The following SUPT3H variants were observed in gnomAD, a reference collection of about 807,000 sequenced individuals.
SUPT3H encodes the protein SPT3 homolog, SAGA and STAGA complex component.
SUPT3H carries 44 observed loss-of-function variants against 44.3 expected under a neutral mutation model. The observed-to-expected ratio is 0.99, with a 90% CI of 0.78 to 1.28. The LOEUF is 1.28. SUPT3H is among the 50% of genes most tolerant of loss of function. The pLI, the probability that SUPT3H is intolerant of heterozygous loss-of-function variation, is 0.00. For missense variants in SUPT3H, 380 were observed against 387.1 expected (o/e 0.98, Z 0.15); for synonymous variants, 124 against 125.6 (o/e 0.99, Z 0.09).
intron 9 of SUPT3H, among the ~76,000 whole-genome samples, chr6:44,939,076 T>C (rs1405621699): frequency 6.6e-6 from 1 of 152,238 alleles, no homozygotes; most frequent in Non-Finnish European, 1.5e-5. Flanking sequence ...TCCTGCTTTA[T>C]TGTTCTGGTT....
intron 2 of SUPT3H, among the ~76,000 whole-genome samples, chr6:45,347,643 C>T (rs1258248699): frequency 6.6e-6 from 1 of 151,662 alleles, no homozygotes; most frequent in Non-Finnish European, 1.5e-5. Flanking sequence ...ATGCACATGA[C>T]AGAGAAAAAA....
At chr6:44,881,606 C>T (rs1036645113) in intron 10 of SUPT3H, among the ~76,000 whole-genome samples, 1 of 152,186 alleles carries the variant, frequency 6.6e-6, no homozygotes. Context: ...CACCACATTG[C>T]ACTTATTCTA....
chr6:45,267,212 C>T (rs188993003), intron 2 of SUPT3H, among the ~76,000 whole-genome samples: 2 of 152,200 alleles, frequency 1.3e-5, no homozygotes, highest in African/African-American at 4.8e-5. Flanking sequence ...CTGACCATGC[C>T]ACACATATCT....
chr6:44,933,328 C>T (rs1337153747), intron 9 of SUPT3H, among the ~76,000 whole-genome samples: 5 of 151,874 alleles, frequency 3.3e-5, no homozygotes, highest in Non-Finnish European at 5.9e-5. Context: ...TTTAATTTGC[C>T]GCATCTGTAA....
intron 6 of SUPT3H, among the ~76,000 whole-genome samples, chr6:44,967,984 A>T (rs755944049): frequency 2.0e-5 from 3 of 151,490 alleles, no homozygotes; most frequent in Non-Finnish European, 4.4e-5. Context: ...TAGAGATGAG[A>T]TCTCTATAAA....
At chr6:44,924,569 T>C (rs1342458364) in intron 10 of SUPT3H, among the ~76,000 whole-genome samples, 1 of 152,112 alleles carries the variant, frequency 6.6e-6, no homozygotes, top group Non-Finnish European at 1.5e-5. Context: ...GTAGGATTAG[T>C]AAGAATTTAT....
intron 10 of SUPT3H, among the ~76,000 whole-genome samples, chr6:44,892,175 T>G (rs1220805875): frequency 1.3e-5 from 2 of 152,128 alleles, no homozygotes; most frequent in African/African-American, 4.8e-5. Context: ...ATTCATATGT[T>G]GAACCCCTAA....
At chr6:44,885,299 G>C (rs558987574) in intron 10 of SUPT3H, among the ~76,000 whole-genome samples, 1 of 152,136 alleles carries the variant, frequency 6.6e-6, no homozygotes, top group Non-Finnish European at 1.5e-5. Context: ...ATCTGAGAAC[G>C]GGCAGACTGC....
At chr6:45,250,568 T>C (rs1772188522) in intron 2 of SUPT3H, among the ~76,000 whole-genome samples, 1 of 151,298 alleles carries the variant, frequency 6.6e-6, no homozygotes, top group African/African-American at 2.4e-5. Context: ...AACCAATAGC[T>C]GAATAACAGC....
At chr6:45,054,294 A>C (rs1254279432) in intron 3 of SUPT3H, among the ~76,000 whole-genome samples, 2 of 152,084 alleles carry the variant, frequency 1.3e-5, no homozygotes, top group African/African-American at 4.8e-5. Context: ...AGTAGGTCTT[A>C]AGGCCCTCAT....
intron 9 of SUPT3H, among the ~76,000 whole-genome samples, chr6:44,948,380 A>G (rs1773694233): frequency 6.6e-6 from 1 of 152,212 alleles, no homozygotes; most frequent in Non-Finnish European, 1.5e-5. Context: ...AGAAGCCAAA[A>G]TTGACAAATG....
At chr6:45,340,565 C>CCT (rs1236233353) in intron 2 of SUPT3H, among the ~76,000 whole-genome samples, 1 of 152,018 alleles carries the variant, frequency 6.6e-6, no homozygotes, top group Non-Finnish European at 1.5e-5. Flanking sequence ...CTCAAGCGAT[C>CCT]CTCCCACCTC....
At chr6:44,928,882 C>CAAAAAAAAAAAAAAAAA (rs35656937) in intron 10 of SUPT3H, among the ~76,000 whole-genome samples, 8 of 20,624 alleles carry the variant, frequency 3.9e-4, no homozygotes, top group Admixed American at 6.3e-4. Flanking sequence ...GACTCCGTCT[C>CAAAAAAAAAAAAAAAAA]AAAAAAAAAA....
intron 2 of SUPT3H, among the ~76,000 whole-genome samples, chr6:45,214,865 G>T (rs1279086086): frequency 6.6e-6 from 1 of 152,122 alleles, no homozygotes; most frequent in African/African-American, 2.4e-5. Context: ...AAGACCTGCT[G>T]CTTGTAACCC....
intron 2 of SUPT3H, among the ~76,000 whole-genome samples, chr6:45,199,434 T>G (rs903094881): frequency 2.6e-5 from 4 of 151,350 alleles, no homozygotes; most frequent in Non-Finnish European, 4.4e-5. Flanking sequence ...AAAAAAGTAT[T>G]TTTTGCATAT....
intron 10 of SUPT3H, among the ~76,000 whole-genome samples, chr6:44,916,759 T>A (rs1301779671): frequency 6.6e-6 from 1 of 152,208 alleles, no homozygotes; most frequent in East Asian, 1.9e-4. Context: ...GATTTTTAAA[T>A]ACTGCATTTC....
intron 2 of SUPT3H, among the ~76,000 whole-genome samples, chr6:45,317,958 A>G (rs1229006201): frequency 6.6e-6 from 1 of 152,152 alleles, no homozygotes; most frequent in African/African-American, 2.4e-5. Flanking sequence ...AGGGGTTAAT[A>G]TCTAAAATAC....
intron 2 of SUPT3H, among the ~76,000 whole-genome samples, chr6:45,192,750 T>G (rs1321610059): frequency 2.0e-5 from 3 of 152,136 alleles, no homozygotes; most frequent in African/African-American, 7.2e-5. Flanking sequence ...TAATAACTCA[T>G]TGATTATGAC....
At chr6:45,238,346 A>G (rs1290857771) in intron 2 of SUPT3H, among the ~76,000 whole-genome samples, 4 of 152,206 alleles carry the variant, frequency 2.6e-5, no homozygotes, top group East Asian at 3.8e-4. Context: ...GAAAGTAACC[A>G]TATGTAGGGA....
Sources: gnomAD v4.1 joint callset for allele counts (sites outside exome capture counted in the v4.1 genomes callset) on GRCh38, gnomAD v4.1.1 for gene constraint, MANE v1.5 for transcripts, NCBI Gene and HGNC (gene_info 2026-07-23, HGNC 2026-07-21) for gene names.